TENM4: variants seen among roughly 807,000 people sequenced by gnomAD.
TENM4 encodes the protein teneurin transmembrane protein 4, also known as teneurin-4.
Under a neutral mutation model 243.3 loss-of-function variants are expected in TENM4, and 82 were observed. The observed-to-expected ratio is 0.34, with a 90% CI of 0.28 to 0.40. The LOEUF (loss-of-function observed/expected upper bound fraction) is 0.40, where lower values mean the gene tolerates loss of function less well. TENM4 is among the 10% of genes least tolerant of loss of function. The pLI is 1.00. For synonymous variants in TENM4, 1,412 were observed against 1,456.3 expected (o/e 0.97, Z 0.69); for missense variants, 3,138 against 3,673.3 (o/e 0.85, Z 3.77).
At chr11:79,426,812 G>A (rs1859064273) in intron 1 of TENM4, among the ~76,000 whole-genome samples, 1 of 152,222 alleles carries the variant, frequency 6.6e-6, no homozygotes, top group Non-Finnish European at 1.5e-5. Context: ...AGACACATAT[G>A]AGATTATTCA....
rs1481900243 is a variant in TENM4, at chr11:78,835,719, G to C, written c.1681+18385C>G. 2.0e-5 allele frequency among the ~76,000 whole-genome samples: 3 copies of C among 152,134 alleles called. No homozygotes were observed. In the East Asian group the frequency reaches 5.8e-4, roughly 29 times the overall value. The stretch of plus-strand genomic sequence containing the variant: ...TTGAGGTCTCAGCTTAGATGTCGCT[G>C]TCATGTACTTAATATAAACCTTCCC... On this transcript the variant is annotated intron_variant, in intron 12 of 33. Transcript: ENST00000278550.
intron 20 of TENM4, among the ~76,000 whole-genome samples, chr11:78,733,279 G>A (rs553715114): frequency 6.6e-6 from 1 of 152,334 alleles, no homozygotes; most frequent in African/African-American, 2.4e-5. Flanking sequence ...ACAGCATCTG[G>A]AGAGCTGGCA....
intron 15 of TENM4, among the ~76,000 whole-genome samples, chr11:78,790,990 A>T (rs1857044364): frequency 6.6e-6 from 1 of 152,224 alleles, no homozygotes; most frequent in Non-Finnish European, 1.5e-5. Flanking sequence ...ATGAAGTTAA[A>T]GTGGCCTGGT....
rs559931167 is a variant in TENM4, at chr11:79,163,414, A to G, written c.-162-14608T>C. Among the ~76,000 whole-genome samples the G allele has an allele frequency of 9.2e-5, 14 of 151,962 alleles. No individual in the cohort carries two copies. In the East Asian group the frequency reaches 2.5e-3, roughly 27 times the overall value. On this transcript the variant is annotated intron_variant, in intron 3 of 33. Coordinates refer to ENST00000278550, the MANE Select transcript of TENM4 (RefSeq NM_001098816.3). Reference sequence around the variant, plus strand: ...TGGAGGCCTGCCGAACTTTTTTTTTAATAGTTTTTTTGGGGGAACAGGTGG... The same window carrying G: ...TGGAGGCCTGCCGAACTTTTTTTTTGATAGTTTTTTTGGGGGAACAGGTGG...
At chr11:79,286,582 T>C (rs948062516) in intron 2 of TENM4, among the ~76,000 whole-genome samples, 1 of 151,730 alleles carries the variant, frequency 6.6e-6, no homozygotes, top group Non-Finnish European at 1.5e-5. Flanking sequence ...GGCAGGAGAA[T>C]TGATTGAACC....
chr11:79,439,835 C>A (rs987027977), intron 1 of TENM4, among the ~76,000 whole-genome samples: 3 of 152,184 alleles, frequency 2.0e-5, no homozygotes, highest in Non-Finnish European at 4.4e-5. Context: ...GTCATACAGT[C>A]ACACTCACAC....
Position 79,102,738 on chromosome 11 carries a change from A to G in TENM4, c.-65-32729T>C, listed in dbSNP as rs368012514. ...AAAAGGACTTTCTGTCACAATACAC[A>G]CATTCTGTATCTGCACTGTCCATGT... is the stretch of plus-strand genomic sequence containing the variant. On this transcript the variant is annotated intron_variant, in intron 4 of 33. Coordinates refer to ENST00000278550, the MANE Select transcript of TENM4 (RefSeq NM_001098816.3). 2.2e-3 allele frequency among the ~76,000 whole-genome samples: 329 copies of G among 152,282 alleles called. 17 individuals are homozygous for G. The South Asian group carries it at 0.065, about 30-fold the overall frequency.
intron 2 of TENM4, among the ~76,000 whole-genome samples, chr11:79,256,660 G>T (rs193075719): frequency 3.3e-5 from 5 of 152,310 alleles, no homozygotes; most frequent in Admixed American, 3.3e-4. Flanking sequence ...GGTTTGTCTG[G>T]ACCTGTTAGG....
At position 78,771,015 on chromosome 11, in the gene TENM4, C is replaced by T; in HGVS notation, c.2516G>A (p.Gly839Asp). Residue 839 changes from glycine (G) to aspartate (D), a missense_variant, in exon 18 of 34, where the codon GGT becomes GAT. Gly to Asp is a moderately conservative substitution (Grantham distance 94). Coordinates refer to ENST00000278550, the MANE Select transcript of TENM4 (RefSeq NM_001098816.3). ...GCDTSMETACGDSKDNDGDGL... is the reference protein window; with the variant it reads ...GCDTSMETACDDSKDNDGDGL... ...ACCTCCATCATTGTCTTTGCTGTCACCGCAGGCAGTCTCCATGGAAGTGTC... is the reference window on the plus strand; with the variant it reads ...ACCTCCATCATTGTCTTTGCTGTCATCGCAGGCAGTCTCCATGGAAGTGTC... 2 of 1,585,026 alleles carry T rather than the reference C, an allele frequency of 1.3e-6. No individual in the cohort carries two copies. The highest frequency in any genetic ancestry group is 1.8e-5 in the Admixed American group (1 of 56,068).
intron 6 of TENM4, among the ~76,000 whole-genome samples, chr11:78,931,059 T>G (rs932987469): frequency 1.3e-5 from 2 of 152,234 alleles, no homozygotes; most frequent in Admixed American, 6.5e-5. Context: ...CTTCATCATG[T>G]TGATGGCCGC....
At chr11:78,876,107 A>C (rs10751298) in intron 9 of TENM4, among the ~76,000 whole-genome samples, 76,957 of 152,106 alleles carry the variant, frequency 0.51, 23,596 homozygotes, top group East Asian at 0.78. Context: ...CCAGCCGAAC[A>C]AGTTATTTGA....
chr11:79,208,664 T>C (rs1289230516), intron 3 of TENM4, among the ~76,000 whole-genome samples: 1 of 152,190 alleles, frequency 6.6e-6, no homozygotes, highest in African/African-American at 2.4e-5. Flanking sequence ...CCCATCTGTG[T>C]ATCAGAAATA....
intron 1 of TENM4, among the ~76,000 whole-genome samples, chr11:79,340,774 G>A (rs1857228762): frequency 6.6e-6 from 1 of 152,062 alleles, no homozygotes; most frequent in Admixed American, 6.6e-5. Context: ...TCTGAAATGT[G>A]CCTCCTTAGG....
At chr11:78,766,870 T>G (rs1243883869) in intron 18 of TENM4, among the ~76,000 whole-genome samples, 1 of 152,034 alleles carries the variant, frequency 6.6e-6, no homozygotes, top group Non-Finnish European at 1.5e-5. Context: ...GCCCAGCTAA[T>G]TTTTTGCATT....
intron 6 of TENM4, among the ~76,000 whole-genome samples, chr11:79,035,526 A>C (rs1859354729): frequency 7.7e-6 from 1 of 129,526 alleles, no homozygotes; most frequent in Non-Finnish European, 1.8e-5. Context: ...AGAAGATTTA[A>C]AAAAATTCAG....
intron 20 of TENM4, among the ~76,000 whole-genome samples, chr11:78,734,918 T>G (rs915346495): frequency 1.3e-5 from 2 of 152,238 alleles, no homozygotes; most frequent in African/African-American, 4.8e-5. Flanking sequence ...CCTACGTCCC[T>G]TCTTACTTTG....
Position 78,669,546 on chromosome 11 carries a change from C to A in TENM4, c.6799G>T (p.Asp2267Tyr). Residue 2267 changes from aspartate (D) to tyrosine (Y), a missense_variant, in exon 32 of 34, where the codon GAT becomes TAT. Asp to Tyr is a radical substitution (Grantham distance 160). Transcript: ENST00000278550. The surrounding 1 kb of genome is among the most constrained non-coding windows in gnomAD (Gnocchi z 6.4). ...CCAGCTGAGTTGTACTCAAAGATAT[C>A]ACCGCCCCGCTGCCTCAGGAAGCCA... is the stretch of plus-strand genomic sequence containing the variant. ...EDGFLRQRGG[D>Y]IFEYNSAGLL... is the part of the protein sequence containing the mutation. 3 of 1,613,938 alleles carry A rather than the reference C, an allele frequency of 1.9e-6. No individual in the cohort carries two copies. The highest frequency in any genetic ancestry group is 2.5e-6 in the Non-Finnish European group (3 of 1,179,890).
chr11:78,695,851 ATGTG>A (rs56816673), intron 28 of TENM4, among the ~76,000 whole-genome samples: 2 of 148,164 alleles, frequency 1.3e-5, no homozygotes, highest in African/African-American at 2.5e-5. Context: ...ATGGCTAGAA[ATGTG>A]TGTGTGTGTG....
chr11:79,214,234 A>ATC (rs1244319103), intron 3 of TENM4, among the ~76,000 whole-genome samples: 1 of 152,114 alleles, frequency 6.6e-6, no homozygotes, highest in African/African-American at 2.4e-5. Flanking sequence ...ACCTCAAGTG[A>ATC]TCTACCCGCC....
Sources: gnomAD v4.1 joint callset for allele counts (sites outside exome capture counted in the v4.1 genomes callset) on GRCh38, gnomAD v4.1.1 for gene constraint, Gnocchi (gnomAD v3.1) non-coding constraint, MANE v1.5 for transcripts, NCBI Gene and HGNC (gene_info 2026-07-23, HGNC 2026-07-21) for gene names.